Variants in CRMP1 observed in about 807,000 individuals in gnomAD.
CRMP1 encodes the protein collapsin response mediator protein 1.
CRMP1 carries 19 observed loss-of-function variants against 68.3 expected under a neutral mutation model. The ratio of observed to expected loss-of-function variants is 0.28; its 90% CI spans 0.19 to 0.41. The LOEUF (loss-of-function observed/expected upper bound fraction) is 0.41. CRMP1 is among the 10% of genes least tolerant of loss of function. The pLI is 1.00. For missense variants in CRMP1, 791 were observed against 967.4 expected (o/e 0.82, Z 2.42); for synonymous variants, 439 against 399.6 (o/e 1.10, Z -1.18).
In CRMP1 at chr4:5,841,141, T is replaced by A. The variant is rs1192601865; in HGVS notation, c.1153+167A>T. On this transcript the variant is annotated intron_variant, in intron 8 of 13. Coordinates refer to ENST00000324989, the MANE Select transcript of CRMP1 (RefSeq NM_001014809.3). This position sits in a 1 kb window ranked among gnomAD's most constrained non-coding sequence, Gnocchi z 6.9. Reference sequence around the variant, plus strand: ...TATCGAGGTGAATATCCTAAGGTCATTGGGACCAAAGAATTCCAGCCACCA... The same window carrying A: ...TATCGAGGTGAATATCCTAAGGTCAATGGGACCAAAGAATTCCAGCCACCA... Among the ~76,000 whole-genome samples the A allele has an allele frequency of 6.6e-6, 1 of 152,152 alleles. No individual in the cohort carries two copies. The highest frequency in any genetic ancestry group is 2.4e-5 in the African/African-American group (1 of 41,438).
Position 5,870,654 on chromosome 4 carries a change from G to A in CRMP1, c.382-3898C>T, listed in dbSNP as rs1371753307. On this transcript the variant is annotated intron_variant, in intron 1 of 13. Transcript: ENST00000324989. The surrounding 1 kb of genome is among the most constrained non-coding windows in gnomAD (Gnocchi z 6.0). ...CACAGCTGTGAGCCGAGGAAGACCA[G>A]TGTGAAGAGGCACATCCCGTTCTTC... Among the ~76,000 whole-genome samples, 1 of 152,236 alleles carries A rather than the reference G, an allele frequency of 6.6e-6. No homozygotes were observed. Among genetic ancestry groups the A allele is most frequent in the East Asian group, 1.9e-4 (1 of 5,200 alleles).
At chr4:5,836,369 G>C (rs976539055) in intron 10 of CRMP1, among the ~76,000 whole-genome samples, 7 of 152,156 alleles carry the variant, frequency 4.6e-5, no homozygotes, top group Non-Finnish European at 7.3e-5. Flanking sequence ...TTTGGTTTCA[G>C]GTCAGTGATC....
intron 1 of CRMP1, among the ~76,000 whole-genome samples, chr4:5,882,066 G>A (rs372132057): frequency 2.6e-5 from 4 of 152,104 alleles, no homozygotes; most frequent in African/African-American, 9.7e-5. Flanking sequence ...CTCATTATCA[G>A]CTTCCACGGG....
intron 6 of CRMP1, among the ~76,000 whole-genome samples, chr4:5,845,768 C>G (rs543784489): frequency 1.3e-5 from 2 of 152,324 alleles, no homozygotes; most frequent in African/African-American, 4.8e-5. Flanking sequence ...GGAAGAGGAT[C>G]TGGAACCAGG....
In CRMP1 at chr4:5,828,636, C is replaced by T; in HGVS notation, c.1656G>A (p.Glu552=). Residue 552 remains glutamate (E), a synonymous_variant, in exon 12 of 14, where the codon GAG becomes GAA. Transcript: ENST00000324989. ...AVEYNIFEGM[E]CHGSPLVVIS... is the part of the protein sequence containing the mutation. ...TGACCACTAGTGGGGAGCCGTGGCA[C>T]TCCATACCCTCGAAGATGTTGTACT... 28 of 1,614,236 alleles carry T rather than the reference C, an allele frequency of 1.7e-5. No individual in the cohort carries two copies. The highest frequency in any genetic ancestry group is 2.3e-5 in the Non-Finnish European group (27 of 1,180,040).
rs1182065932 is a variant in CRMP1, at chr4:5,870,063, C to G, written c.382-3307G>C. Among the ~76,000 whole-genome samples, 1 of 152,200 alleles carries G rather than the reference C, an allele frequency of 6.6e-6. No homozygotes were observed. Among genetic ancestry groups the G allele is most frequent in the African/African-American group, 2.4e-5 (1 of 41,460 alleles). ...CAGAAACACATCATGCAGTCGGCTG[C>G]TCAAAGCTTCTTGCATCAGAATCAT... is the stretch of plus-strand genomic sequence containing the variant. On this transcript the variant is annotated intron_variant, in intron 1 of 13. Coordinates refer to ENST00000324989, the MANE Select transcript of CRMP1 (RefSeq NM_001014809.3). The surrounding 1 kb of genome is among the most constrained non-coding windows in gnomAD (Gnocchi z 6.0).
Position 5,890,071 on chromosome 4 carries a change from G to T in CRMP1, c.381+2518C>A. 1 of 402,136 alleles carries T rather than the reference G, an allele frequency of 2.5e-6. No individual in the cohort carries two copies. Among genetic ancestry groups the T allele is most frequent in the Non-Finnish European group, 3.6e-6 (1 of 277,886 alleles). 24.9% of individuals were successfully genotyped at this position (402,136 alleles called of 1,614,324 possible). ...TCCCTCCACGCATTCATGCATCCCT[G>T]GCTCTCAGCGGGGCCTAAAATCCCT... On this transcript the variant is annotated intron_variant, in intron 1 of 13. Transcript: ENST00000324989. The surrounding 1 kb of genome is among the most constrained non-coding windows in gnomAD (Gnocchi z 5.5).
At chr4:5,856,968 CATCACCACCATCCACTGTT>C (rs1666579552) in intron 3 of CRMP1, among the ~76,000 whole-genome samples, 1 of 146,060 alleles carries the variant, frequency 6.8e-6, no homozygotes, top group African/African-American at 2.6e-5. Context: ...CATCCACTAT[CATCACCACCATCCACTGTT>C]ATCACCACCA....
In CRMP1 at chr4:5,870,571, C is replaced by A. The variant is rs1714368462; in HGVS notation, c.382-3815G>T. The stretch of plus-strand genomic sequence containing the variant: ...ATCTTGGACACAGCCTGGCTGGCTG[C>A]CTGGGTGACTGAACTGATTCTTGAC... On this transcript the variant is annotated intron_variant, in intron 1 of 13. Transcript: ENST00000324989. This position sits in a 1 kb window ranked among gnomAD's most constrained non-coding sequence, Gnocchi z 6.0. Among the ~76,000 whole-genome samples the A allele has an allele frequency of 6.6e-6, 1 of 152,196 alleles. No homozygotes were observed. The highest frequency in any genetic ancestry group is 1.5e-5 in the Non-Finnish European group (1 of 68,036).
rs367815553 is a variant in CRMP1, at chr4:5,839,564, G to C, written c.1268C>G (p.Pro423Arg). 2.5e-6 allele frequency: 4 copies of C among 1,612,054 alleles called. No individual in the cohort carries two copies. Among genetic ancestry groups the C allele is most frequent in the Non-Finnish European group, 3.4e-6 (4 of 1,179,236 alleles). ...CAAGTAGTCGGGCGTGGTAGGGTCC[G>C]GGCTCAGGGGAGGGGAAGTCACGAA... is the stretch of plus-strand genomic sequence containing the variant. The part of the protein sequence containing the change: ...AAFVTSPPLS[P>R]DPTTPDYLTS... The change falls in exon 9 of 14, where the codon CCG becomes CGG. Residue 423 changes from proline to arginine, a missense_variant. Transcript: ENST00000324989.
Position 5,855,252 on chromosome 4 carries a change from ACTTT to A in CRMP1, c.820+887_820+890del, listed in dbSNP as rs997419156. Among the ~76,000 whole-genome samples the A allele has an allele frequency of 4.6e-5, 7 of 152,072 alleles. No individual in the cohort carries two copies. The South Asian group carries it at 1.2e-3, about 27-fold the overall frequency. On this transcript the variant is annotated intron_variant, in intron 4 of 13. Coordinates refer to ENST00000324989, the MANE Select transcript of CRMP1 (RefSeq NM_001014809.3). The surrounding 1 kb of genome is among the most constrained non-coding windows in gnomAD (Gnocchi z 4.9). ...ACAATTTTTTTCCTTCCATTTTCTG[ACTTT>A]CTTTAAATATTGGGGATGATACTGT...
intron 1 of CRMP1, among the ~76,000 whole-genome samples, chr4:5,869,479 G>A (rs533610877): frequency 7.7e-4 from 117 of 151,670 alleles, no homozygotes; most frequent in South Asian, 7.5e-3. Flanking sequence ...TCAGGAGATC[G>A]AGACCATCCT....
chr4:5,843,044 G>A lies in CRMP1; in HGVS notation c.1032+49C>T. 1 of 1,560,868 alleles carries A rather than the reference G, an allele frequency of 6.4e-7. No homozygotes were observed. The highest frequency in any genetic ancestry group is 8.8e-7 in the Non-Finnish European group (1 of 1,132,632). On this transcript the variant is annotated intron_variant, in intron 7 of 13. Transcript: ENST00000324989. The surrounding 1 kb of genome is among the most constrained non-coding windows in gnomAD (Gnocchi z 4.1). The stretch of plus-strand genomic sequence containing the variant: ...TCCAGCTGGAACAGCATCAAGGTGA[G>A]TGCTCAGTGGTGAGTGTCAGAGTCA...
Position 5,883,887 on chromosome 4 carries a change from A to T in CRMP1, c.381+8702T>A, listed in dbSNP as rs1356457967. Among the ~76,000 whole-genome samples the T allele has an allele frequency of 6.6e-6, 1 of 152,246 alleles. No individual in the cohort carries two copies. The highest frequency in any genetic ancestry group is 1.5e-5 in the Non-Finnish European group (1 of 68,042). On this transcript the variant is annotated intron_variant, in intron 1 of 13. Transcript: ENST00000324989. This position sits in a 1 kb window ranked among gnomAD's most constrained non-coding sequence, Gnocchi z 4.5. ...AATGGGCATTCACGGTTAAGGTGGT[A>T]TAGTTACGTCACTTTCACTTTTATG...
Position 5,855,363 on chromosome 4 carries a change from G to A in CRMP1, c.820+780C>T, listed in dbSNP as rs536774629. On this transcript the variant is annotated intron_variant, in intron 4 of 13. Coordinates refer to ENST00000324989, the MANE Select transcript of CRMP1 (RefSeq NM_001014809.3). The surrounding 1 kb of genome is among the most constrained non-coding windows in gnomAD (Gnocchi z 4.9). ...CCTTGAAGCACCACCATTTGAGGCT[G>A]CCTCCTCAGAGGGCTCCCCGACTGC... Among the ~76,000 whole-genome samples, 2 of 152,202 alleles carry A rather than the reference G, an allele frequency of 1.3e-5. No individual in the cohort carries two copies. The highest frequency in any genetic ancestry group is 2.1e-4 in the South Asian group (1 of 4,834).
chr4:5,824,959 C>T, intron 13 of CRMP1: 2 of 985,412 alleles, frequency 2.0e-6, no homozygotes, highest in South Asian at 4.7e-5. Flanking sequence ...AGCACCAAGT[C>T]CTGGTATTTT....
At chr4:5,884,792 G>T (rs1332254703) in intron 1 of CRMP1, among the ~76,000 whole-genome samples, 1 of 151,970 alleles carries the variant, frequency 6.6e-6, no homozygotes, top group African/African-American at 2.4e-5. Flanking sequence ...TCATCATGGT[G>T]GACACTCTTT....
chr4:5,856,087 G>C (rs1480973954), intron 4 of CRMP1, 56 bp downstream of exon 4: 2 of 1,592,862 alleles, frequency 1.3e-6, no homozygotes, highest in African/African-American at 2.7e-5. Context: ...CATAATCTTT[G>C]GATCTACCAA....
In CRMP1 at chr4:5,889,444, GA is replaced by G. The variant is rs1316426562; in HGVS notation, c.381+3144del. On this transcript the variant is annotated intron_variant, in intron 1 of 13. Coordinates refer to ENST00000324989, the MANE Select transcript of CRMP1 (RefSeq NM_001014809.3). This position sits in a 1 kb window ranked among gnomAD's most constrained non-coding sequence, Gnocchi z 4.5. ...CCCAGCACTGTGGACACCAGCCCCG[GA>G]GTCCATGATCCAGATGTTGCTCCAG... is the stretch of plus-strand genomic sequence containing the variant. Among the ~76,000 whole-genome samples the G allele has an allele frequency of 6.6e-6, 1 of 152,142 alleles. No homozygotes were observed. Among genetic ancestry groups the G allele is most frequent in the Non-Finnish European group, 1.5e-5 (1 of 68,026 alleles).
Sources: gnomAD v4.1 joint callset for allele counts (sites outside exome capture counted in the v4.1 genomes callset) on GRCh38, gnomAD v4.1.1 for gene constraint, Gnocchi (gnomAD v3.1) non-coding constraint, MANE v1.5 for transcripts, NCBI Gene and HGNC (gene_info 2026-07-23, HGNC 2026-07-21) for gene names.